GPRC5C: variants seen among roughly 807,000 people sequenced by gnomAD.
GPRC5C encodes G protein-coupled receptor family C group 5 member C.
A neutral mutation model predicts 31.4 loss-of-function variants in GPRC5C; 22 were observed. That is an observed-to-expected ratio of 0.70 (90% CI 0.50 to 1.00). GPRC5C has a LOEUF of 1.00. Ranked by LOEUF, GPRC5C falls within the 50% of genes least tolerant of loss-of-function variation. The pLI is 0.00. For synonymous variants in GPRC5C, 249 were observed against 257.5 expected (o/e 0.97, Z 0.32); for missense variants, 557 against 597.2 (o/e 0.93, Z 0.70).
chr17:74,437,210 G>T (rs117027254), intron 1 of GPRC5C, among the ~76,000 whole-genome samples: 1,582 of 152,246 alleles, frequency 0.01, 12 homozygotes, highest in South Asian at 0.034. Context: ...TGGGATTACA[G>T]CATGAGCCAC....
At chr17:74,441,543 G>C (rs563478414) in intron 2 of GPRC5C, among the ~76,000 whole-genome samples, 1 of 151,840 alleles carries the variant, frequency 6.6e-6, no homozygotes, top group Non-Finnish European at 1.5e-5. Flanking sequence ...AATTAGTGCC[G>C]GCTGGGCGCC....
intron 1 of GPRC5C, 102 bp downstream of exon 1, chr17:74,432,243 T>C (rs1352601381): frequency 6.5e-7 from 1 of 1,534,912 alleles, no homozygotes; most frequent in Non-Finnish European, 8.8e-7. Context: ...TGAATGGAGG[T>C]GATGTAACGG....
At chr17:74,441,483 T>C (rs1287226648) in intron 2 of GPRC5C, among the ~76,000 whole-genome samples, 3 of 152,064 alleles carry the variant, frequency 2.0e-5, no homozygotes, top group Non-Finnish European at 4.4e-5. Context: ...ATTTGTAAAA[T>C]GGGGATAATG....
rs2055506202 is a variant in GPRC5C at position 74,440,169 on chromosome 17, C to G, written c.393C>G (p.Phe131Leu). 6 of 1,614,222 alleles carry G rather than the reference C, an allele frequency of 3.7e-6. No homozygotes were observed. The highest frequency in any genetic ancestry group is 3.3e-5 in the South Asian group (3 of 91,090). ...TTGGGGTTCTGTTCGCCATCTGCTT[C>G]TCTTGTCTGGCGGCTCACGTCTTTG... is the stretch of plus-strand genomic sequence containing the variant. ...FLFGVLFAIC[F>L]SCLAAHVFAL... The change falls in exon 2 of 4, where the codon TTC becomes TTG. Residue 131 changes from phenylalanine to leucine, a missense_variant. Physicochemically the swap from Phe to Leu is conservative, Grantham distance 22. Transcript: ENST00000392627. This position sits in a 1 kb window ranked among gnomAD's most constrained non-coding sequence, Gnocchi z 4.4.
chr17:74,450,521 G>A (rs2055703842), downstream of GPRC5C: 1 of 152,246 alleles, frequency 6.6e-6, no homozygotes, highest in African/African-American at 2.4e-5. Context: ...AGATATGTAA[G>A]TAGGTAAGTG....
chr17:74,435,266 C>T (rs997795565), intron 1 of GPRC5C, among the ~76,000 whole-genome samples: 10 of 152,154 alleles, frequency 6.6e-5, no homozygotes, highest in Admixed American at 6.5e-5. Context: ...CTCCCGGCAT[C>T]AGAGGGCTGG....
downstream of GPRC5C, chr17:74,451,039 A>C (rs747958566): frequency 1.3e-5 from 2 of 152,208 alleles, no homozygotes; most frequent in South Asian, 4.1e-4. Context: ...GTAGGATTGC[A>C]GCTCTGACTG....
intron 1 of GPRC5C, among the ~76,000 whole-genome samples, chr17:74,435,121 A>C (rs1456011348): frequency 2.6e-5 from 4 of 152,154 alleles, no homozygotes; most frequent in Non-Finnish European, 5.9e-5. Flanking sequence ...CGGGAGGCTG[A>C]GGCAGGAGAA....
intron 1 of GPRC5C, among the ~76,000 whole-genome samples, chr17:74,436,780 T>C (rs1019311456): frequency 6.6e-6 from 1 of 152,202 alleles, no homozygotes; most frequent in African/African-American, 2.4e-5. Context: ...GAGGGTTCTC[T>C]TCCCTACGTC....
chr17:74,433,811 C>A, intron 1 of GPRC5C: 2 of 1,313,656 alleles, frequency 1.5e-6, no homozygotes, highest in Non-Finnish European at 2.2e-6. Context: ...CTTTCCAGTG[C>A]GGTATCCTTG....
intron 1 of GPRC5C, 83 bp from the exon 2 acceptor site, chr17:74,439,662 G>T: frequency 7.5e-7 from 1 of 1,336,950 alleles, no homozygotes; most frequent in South Asian, 1.4e-5. Context: ...ATCTGCCTGG[G>T]TTTAGGTTGG....
At chr17:74,438,242 TATATATATATTTG>T (rs1339575170) in intron 1 of GPRC5C, among the ~76,000 whole-genome samples, 15 of 122,722 alleles carry the variant, frequency 1.2e-4, no homozygotes, top group African/African-American at 5.7e-4. Flanking sequence ...TATATATATA[TATATATATATTTG>T]TTGTTGTTGT....
At chr17:74,437,898 G>A (rs1177117228) in intron 1 of GPRC5C, among the ~76,000 whole-genome samples, 1 of 152,088 alleles carries the variant, frequency 6.6e-6, no homozygotes, top group African/African-American at 2.4e-5. Context: ...TTTTCCCAGA[G>A]AGTTCCTGAT....
downstream of GPRC5C, chr17:74,451,461 G>A (rs2055712426): frequency 6.6e-6 from 1 of 152,246 alleles, no homozygotes; most frequent in African/African-American, 2.4e-5. Flanking sequence ...CTTCTTTGAG[G>A]TGGTCGAGTG....
Position 74,447,197 on chromosome 17 carries a change from C to T in GPRC5C, c.*169C>T. On this transcript the variant is annotated 3_prime_UTR_variant, in exon 4 of 4. Coordinates refer to ENST00000392627, the MANE Select transcript of GPRC5C (RefSeq NM_022036.4). ...GTGTTTGGGTGGGTGTCATGGGTGT[C>T]CCCACCCACTCCTCAGTGTTTGTGG... is the stretch of plus-strand genomic sequence containing the variant. 7.2e-7 allele frequency: 1 copy of T among 1,397,690 alleles called. No homozygotes were observed. The highest frequency in any genetic ancestry group is 2.7e-5 in the East Asian group (1 of 37,176). The allele number at this position is 1,397,690 out of a possible 1,614,324, so 86.6% of individuals were successfully genotyped here.
In GPRC5C at chr17:74,447,035, G is replaced by C. The variant is rs765279646; in HGVS notation, c.*7G>C. 1.2e-6 allele frequency: 2 copies of C among 1,604,864 alleles called. No homozygotes were observed. Among genetic ancestry groups the C allele is most frequent in the East Asian group, 4.5e-5 (2 of 44,648 alleles). ...CCCCTACGTGTGGGACTGAGTCAGCGGTGGCGAGGAGAGGCGGGCGGATTT... is the reference window on the plus strand; with the variant it reads ...CCCCTACGTGTGGGACTGAGTCAGCCGTGGCGAGGAGAGGCGGGCGGATTT... On this transcript the variant is annotated 3_prime_UTR_variant, in exon 4 of 4. Coordinates refer to ENST00000392627, the MANE Select transcript of GPRC5C (RefSeq NM_022036.4).
downstream of GPRC5C, among the ~76,000 whole-genome samples, chr17:74,448,494 CA>C (rs1273168838): frequency 3.3e-5 from 5 of 152,176 alleles, no homozygotes; most frequent in Non-Finnish European, 7.3e-5. Flanking sequence ...TCTCCTGCCT[CA>C]GCCTCTTGAG....
intron 1 of GPRC5C, 52 bp downstream of exon 1, chr17:74,432,193 C>T: frequency 6.3e-7 from 1 of 1,578,446 alleles, no homozygotes; most frequent in East Asian, 2.4e-5. Flanking sequence ...GTAAACGGAG[C>T]GCACGTACCT....
At chr17:74,449,142 GA>G (rs370498629), downstream of GPRC5C, among the ~76,000 whole-genome samples, 10 of 149,372 alleles carry the variant, frequency 6.7e-5, no homozygotes, top group East Asian at 2.0e-4. Flanking sequence ...AGGTTGCTGG[GA>G]AAAAAAAAAT....
Sources: gnomAD v4.1 joint callset for allele counts (sites outside exome capture counted in the v4.1 genomes callset) on GRCh38, gnomAD v4.1.1 for gene constraint, Gnocchi (gnomAD v3.1) non-coding constraint, MANE v1.5 for transcripts, NCBI Gene and HGNC (gene_info 2026-07-23, HGNC 2026-07-21) for gene names.